Variants in GLIS1 observed in about 807,000 individuals in gnomAD.
GLIS1 encodes GLIS family zinc finger 1, also known as zinc finger protein GLIS1.
In GLIS1, 24 loss-of-function variants were observed where a neutral mutation model predicts 63.8. The ratio of observed to expected loss-of-function variants is 0.38; its 90% CI spans 0.27 to 0.53. The LOEUF (loss-of-function observed/expected upper bound fraction) is 0.53, where lower values mean the gene tolerates loss of function less well. Ranked by LOEUF, GLIS1 falls within the 20% of genes least tolerant of loss-of-function variation. GLIS1 has a pLI of 0.85. For synonymous variants in GLIS1, 450 were observed against 482.5 expected, an observed-to-expected ratio of 0.93 and a Z score of 0.88; for missense variants, 1,036 against 1,074.1, an observed-to-expected ratio of 0.96 and a Z score of 0.50.
At chr1:53,737,038 G>A (rs1170834988) in intron 2 of GLIS1, among the ~76,000 whole-genome samples, 1 of 152,134 alleles carries the variant, frequency 6.6e-6, no homozygotes, top group African/African-American at 2.4e-5. Context: ...CCAATTCCTG[G>A]TTAATTATCT....
At chr1:53,678,964 C>CTAA (rs1646244897) in intron 2 of GLIS1, among the ~76,000 whole-genome samples, 1 of 152,190 alleles carries the variant, frequency 6.6e-6, no homozygotes, top group African/African-American at 2.4e-5. Flanking sequence ...AACCTAAAAC[C>CTAA]AGCCCCTGGC....
chr1:53,553,307 A>G (rs1357118741), intron 4 of GLIS1, among the ~76,000 whole-genome samples: 2 of 152,072 alleles, frequency 1.3e-5, no homozygotes, highest in Non-Finnish European at 2.9e-5. Context: ...CTTGGTTCGC[A>G]TACCTGCTGA....
rs191478299 is a variant in GLIS1, at chr1:53,628,676, G to A, written c.260-28398C>T. On this transcript the variant is annotated intron_variant, in intron 2 of 10. Transcript: ENST00000628545. ...CCCACCCACAGGCACCCCCTCCACCGTCAAAGCCCCACCCCACTCATCACC... is the reference window on the plus strand; with the variant it reads ...CCCACCCACAGGCACCCCCTCCACCATCAAAGCCCCACCCCACTCATCACC... Among the ~76,000 whole-genome samples, 6 of 152,162 alleles carry A rather than the reference G, an allele frequency of 3.9e-5. No individual in the cohort carries two copies. In the East Asian group the frequency reaches 5.8e-4, roughly 15 times the overall value.
chr1:53,687,240 C>T (rs947604872), intron 2 of GLIS1, among the ~76,000 whole-genome samples: 1 of 152,162 alleles, frequency 6.6e-6, no homozygotes, highest in African/African-American at 2.4e-5. Flanking sequence ...CAGAGGAGGA[C>T]GGAAGTAGTC....
intron 2 of GLIS1, among the ~76,000 whole-genome samples, chr1:53,669,004 G>C (rs1395939385): frequency 1.3e-5 from 2 of 152,114 alleles, no homozygotes. Context: ...CCCCTTTGGC[G>C]CTCCTAACCC....
chr1:53,541,194 C>T lies in GLIS1; in HGVS notation c.1321-11242G>A, dbSNP rs78370242. ...CTACCGGGAGAAATGGTGAGCCTCC[C>T]GTCCCAGACGCTCAGGGACAGAGCC... On this transcript the variant is annotated intron_variant, in intron 4 of 10. Coordinates refer to ENST00000628545, the MANE Select transcript of GLIS1 (RefSeq NM_001367484.1). Among the ~76,000 whole-genome samples, 11 of 152,286 alleles carry T rather than the reference C, an allele frequency of 7.2e-5. No homozygotes were observed. In the South Asian group the frequency reaches 8.3e-4, roughly 11 times the overall value.
intron 5 of GLIS1, among the ~76,000 whole-genome samples, chr1:53,527,377 A>G (rs371542049): frequency 7.1e-4 from 108 of 152,312 alleles, no homozygotes; most frequent in African/African-American, 2.5e-3. Context: ...GTCAGTGCCC[A>G]ATCAGTAAGA....
intron 2 of GLIS1, among the ~76,000 whole-genome samples, chr1:53,623,191 C>A (rs1645563664): frequency 6.6e-6 from 1 of 151,994 alleles, no homozygotes; most frequent in Admixed American, 6.6e-5. Context: ...TCAAATTCAG[C>A]AATATATATT....
intron 2 of GLIS1, among the ~76,000 whole-genome samples, chr1:53,637,522 C>A (rs1212579269): frequency 6.6e-6 from 1 of 152,144 alleles, no homozygotes; most frequent in Non-Finnish European, 1.5e-5. Flanking sequence ...CATTCCCACA[C>A]CCGAGGTTCA....
intron 2 of GLIS1, among the ~76,000 whole-genome samples, chr1:53,725,223 A>G (rs745594972): frequency 3.3e-5 from 5 of 152,218 alleles, no homozygotes; most frequent in Non-Finnish European, 5.9e-5. Context: ...AACAGGTACA[A>G]GAAAAGGGCT....
At chr1:53,712,828 G>T (rs12080993) in intron 2 of GLIS1, among the ~76,000 whole-genome samples, 35,697 of 151,988 alleles carry the variant, frequency 0.23, 4,252 homozygotes, top group East Asian at 0.28. Flanking sequence ...CATCATCGGC[G>T]GTGGGCTACA....
intron 4 of GLIS1, among the ~76,000 whole-genome samples, chr1:53,570,171 G>A (rs932911414): frequency 1.3e-5 from 2 of 151,616 alleles, no homozygotes; most frequent in African/African-American, 4.9e-5. Flanking sequence ...GAGTGCACTG[G>A]TATTTATAAT....
At position 53,648,281 on chromosome 1, in the gene GLIS1, G is replaced by GA. The variant is rs530823252; in HGVS notation, c.260-48004dup. Among the ~76,000 whole-genome samples, 21 of 152,272 alleles carry GA rather than the reference G, an allele frequency of 1.4e-4. No individual in the cohort carries two copies. In the South Asian group the frequency reaches 4.3e-3, roughly 32 times the overall value. On this transcript the variant is annotated intron_variant, in intron 2 of 10. Coordinates refer to ENST00000628545, the MANE Select transcript of GLIS1 (RefSeq NM_001367484.1). The stretch of plus-strand genomic sequence containing the variant: ...TGATGCTCAACATCATTAATCGCCA[G>GA]AAAAATGTAAATTCAAACCACACTA...
chr1:53,629,963 G>C (rs1025239450), intron 2 of GLIS1, among the ~76,000 whole-genome samples: 2 of 152,138 alleles, frequency 1.3e-5, no homozygotes, highest in East Asian at 3.9e-4. Flanking sequence ...AATTGGGGGT[G>C]AATCTTCAAA....
intron 2 of GLIS1, among the ~76,000 whole-genome samples, chr1:53,641,719 T>C (rs1451927796): frequency 1.3e-5 from 2 of 152,082 alleles, no homozygotes; most frequent in Non-Finnish European, 2.9e-5. Context: ...AAAGGGGCCA[T>C]CTTGGTGGTG....
At chr1:53,527,888 C>A (rs1467749998) in intron 5 of GLIS1, among the ~76,000 whole-genome samples, 2 of 152,208 alleles carry the variant, frequency 1.3e-5, no homozygotes, top group African/African-American at 2.4e-5. Flanking sequence ...CTGGCCTGAC[C>A]TAGACCTTGG....
intron 2 of GLIS1, among the ~76,000 whole-genome samples, chr1:53,654,012 G>A (rs1298381571): frequency 6.6e-6 from 1 of 151,498 alleles, no homozygotes. Context: ...CCCCACCATG[G>A]GGCAGACACA....
intron 4 of GLIS1, among the ~76,000 whole-genome samples, chr1:53,552,363 G>A (rs189128950): frequency 1.1e-3 from 174 of 152,178 alleles, no homozygotes; most frequent in African/African-American, 4.1e-3. Context: ...CATGGCCCAG[G>A]TGGCAGGCAG....
At chr1:53,625,035 T>G (rs918139464) in intron 2 of GLIS1, among the ~76,000 whole-genome samples, 5 of 152,178 alleles carry the variant, frequency 3.3e-5, no homozygotes, top group African/African-American at 1.2e-4. Flanking sequence ...GGCTGATGAC[T>G]GCTCTATCAT....
Sources: allele counts gnomAD v4.1 joint callset (sites outside exome capture counted in the v4.1 genomes callset), GRCh38; gene constraint gnomAD v4.1.1; transcripts MANE v1.5; gene names NCBI Gene and HGNC (gene_info 2026-07-23, HGNC 2026-07-21).